Variants in ST18 observed in about 807,000 individuals in gnomAD.
ST18 encodes the protein suppression of tumorigenicity 18 protein.
ST18 carries 50 observed loss-of-function variants against 110.0 expected under a neutral mutation model. The ratio of observed to expected loss-of-function variants is 0.45; its 90% CI spans 0.36 to 0.58. The LOEUF is 0.58. ST18 is among the 20% of genes least tolerant of loss of function. The pLI is 0.00. For missense variants in ST18, 1,306 were observed against 1,280.1 expected (o/e 1.02, Z -0.31); for synonymous variants, 461 against 452.4 (o/e 1.02, Z -0.24).
intron 19 of ST18, 96 bp downstream of exon 19, chr8:52,136,494 T>C (rs1489461330): frequency 4.0e-6 from 5 of 1,243,320 alleles, no homozygotes; most frequent in South Asian, 1.4e-5. Flanking sequence ...CAGGACATAC[T>C]GCTTGTTGCT....
chr8:52,367,349 G>A lies in ST18; in HGVS notation c.-465+41979C>T, dbSNP rs554974431. On this transcript the variant is annotated intron_variant, in intron 2 of 25. Transcript: ENST00000689386. ...AAGCATGAGAATTGCTTGAACCCGG[G>A]AGGCGGAGGTTGCAGTGAGCCAATA... 1.8e-3 allele frequency among the ~76,000 whole-genome samples: 267 copies of A among 152,030 alleles called. 1 individual carries two copies. The highest frequency in any genetic ancestry group is 5.7e-3 in the African/African-American group (235 of 41,480).
chr8:52,376,706 G>T (rs1484278264), intron 2 of ST18, among the ~76,000 whole-genome samples: 1 of 152,076 alleles, frequency 6.6e-6, no homozygotes, highest in Non-Finnish European at 1.5e-5. Flanking sequence ...CTAGAACAGA[G>T]CCCGGTACAC....
chr8:52,401,540 AGAC>A (rs1842809060), intron 2 of ST18, among the ~76,000 whole-genome samples: 1 of 151,928 alleles, frequency 6.6e-6, no homozygotes, highest in South Asian at 2.1e-4. Context: ...TTATTTCAAA[AGAC>A]TTCTTTTCAA....
At chr8:52,130,925 A>G (rs1243695891) in intron 22 of ST18, among the ~76,000 whole-genome samples, 1 of 152,230 alleles carries the variant, frequency 6.6e-6, no homozygotes, top group African/African-American at 2.4e-5. Flanking sequence ...TTGTGACTGA[A>G]GTTCCTGAAT....
intron 2 of ST18, among the ~76,000 whole-genome samples, chr8:52,293,148 T>C (rs574981246): frequency 6.6e-6 from 1 of 152,200 alleles, no homozygotes; most frequent in Non-Finnish European, 1.5e-5. Context: ...CAACATGACA[T>C]AGGAAGTGTT....
intron 7 of ST18, 111 bp downstream of exon 7, chr8:52,214,092 G>A (rs1290266839): frequency 8.7e-7 from 1 of 1,153,696 alleles, no homozygotes. Context: ...GAAAAAAGAA[G>A]CCCTGAGGAA....
intron 17 of ST18, among the ~76,000 whole-genome samples, chr8:52,139,804 T>G (rs4524814): frequency 0.3 from 45,755 of 152,062 alleles, 10,016 homozygotes; most frequent in African/African-American, 0.62. Context: ...TAAGTTTGGT[T>G]GTATTAAAAG....
intron 2 of ST18, among the ~76,000 whole-genome samples, chr8:52,333,236 G>C (rs1810432118): frequency 6.6e-6 from 1 of 151,460 alleles, no homozygotes; most frequent in African/African-American, 2.4e-5. Flanking sequence ...TCAAGGGAAA[G>C]TTTTCTGCAG....
intron 2 of ST18, among the ~76,000 whole-genome samples, chr8:52,299,021 G>T (rs1200495162): frequency 2.0e-5 from 3 of 151,984 alleles, no homozygotes; most frequent in African/African-American, 7.3e-5. Context: ...GGAATTGTTG[G>T]GTTTCCTGGA....
chr8:52,340,550 G>A (rs1003292149), intron 2 of ST18, among the ~76,000 whole-genome samples: 7 of 152,184 alleles, frequency 4.6e-5, no homozygotes, highest in African/African-American at 1.7e-4. Flanking sequence ...TGTGTCAGTG[G>A]CCTGTGATAT....
rs1159770176 is a variant in ST18 at position 52,250,445 on chromosome 8, C to CAAAAA, written c.-464-20373_-464-20369dup. On this transcript the variant is annotated intron_variant, in intron 2 of 25. Transcript: ENST00000689386. ...TGACACTGTGGAAGAGCCTCAAAGG[C>CAAAAA]AAAAAAAAAAAAAAAAAAAAAAAAA... 7.5e-3 allele frequency among the ~76,000 whole-genome samples: 32 copies of CAAAAA among 4,278 alleles called. 3 individuals are homozygous for CAAAAA. The highest frequency in any genetic ancestry group is 0.014 in the African/African-American group (14 of 1,018). 2.8% of individuals were successfully genotyped at this position (4,278 alleles called of 152,430 possible).
At chr8:52,119,270 T>C (rs1162616761) in intron 23 of ST18, among the ~76,000 whole-genome samples, 2 of 152,216 alleles carry the variant, frequency 1.3e-5, no homozygotes, top group Non-Finnish European at 2.9e-5. Context: ...CATGATTACT[T>C]TGTAGAAGGA....
At chr8:52,190,054 C>T (rs2073966608) in intron 8 of ST18, among the ~76,000 whole-genome samples, 1 of 152,156 alleles carries the variant, frequency 6.6e-6, no homozygotes, top group African/African-American at 2.4e-5. Context: ...ATTCAAAATG[C>T]TCCAAAATTT....
intron 8 of ST18, among the ~76,000 whole-genome samples, chr8:52,192,116 C>G (rs1254258271): frequency 6.6e-6 from 1 of 152,120 alleles, no homozygotes; most frequent in South Asian, 2.1e-4. Context: ...GGGCATTGAA[C>G]AGGCCCAACA....
intron 2 of ST18, among the ~76,000 whole-genome samples, chr8:52,377,828 T>C (rs191765170): frequency 1.2e-3 from 189 of 152,160 alleles, no homozygotes; most frequent in Non-Finnish European, 9.4e-4. Context: ...CTATTCACAA[T>C]AGCAAAGACT....
At position 52,221,671 on chromosome 8, in the gene ST18, TTCTCTACCCTTTGCAGTATA is replaced by T. The variant is rs1223861730; in HGVS notation, c.-316_-297del. On this transcript the variant is annotated 5_prime_UTR_variant, in exon 4 of 26. It introduces an in-frame stop codon into an upstream open reading frame of the 5' UTR. Transcript: ENST00000689386. ...TGCAGAAAATTTCTACCGTCCTGCC[TTCTCTACCCTTTGCAGTATA>T]TCAAAGTGCTCAGCTTTTTAATCAT... is the stretch of plus-strand genomic sequence containing the variant. 2.0e-5 allele frequency: 3 copies of T among 152,248 alleles called. No homozygotes were observed. Among genetic ancestry groups the T allele is most frequent in the African/African-American group, 7.2e-5 (3 of 41,458 alleles). 9.4% of individuals were successfully genotyped at this position (152,248 alleles called of 1,614,324 possible). A position where few individuals can be genotyped will look rare whatever the true frequency, so the allele number is the denominator to read the frequency against.
At chr8:52,233,381 G>T (rs554258183) in intron 2 of ST18, among the ~76,000 whole-genome samples, 4 of 152,170 alleles carry the variant, frequency 2.6e-5, no homozygotes, top group African/African-American at 7.2e-5. Flanking sequence ...TAACATGGGA[G>T]AACAATCTGA....
rs545416488 is a variant in ST18, at chr8:52,382,335, C to A, written c.-465+26993G>T. The stretch of plus-strand genomic sequence containing the variant: ...CTGCCTCATTCTCACTGAAAGGTGG[C>A]CCTGGTTTAGTACAGATATGGTTTA... On this transcript the variant is annotated intron_variant, in intron 2 of 25. Transcript: ENST00000689386. 7.9e-5 allele frequency among the ~76,000 whole-genome samples: 12 copies of A among 152,182 alleles called. No individual in the cohort carries two copies. The South Asian group carries it at 2.5e-3, about 32-fold the overall frequency.
intron 2 of ST18, among the ~76,000 whole-genome samples, chr8:52,299,059 C>T (rs1287961906): frequency 6.6e-6 from 1 of 152,158 alleles, no homozygotes; most frequent in Non-Finnish European, 1.5e-5. Flanking sequence ...TTCAACAATT[C>T]AGTAAAATTC....
Sources: allele counts gnomAD v4.1 joint callset (sites outside exome capture counted in the v4.1 genomes callset), GRCh38; gene constraint gnomAD v4.1.1; transcripts MANE v1.5; gene names NCBI Gene and HGNC (gene_info 2026-07-23, HGNC 2026-07-21).